KCNMB2: variants seen among roughly 807,000 people sequenced by gnomAD.
KCNMB2 encodes the protein potassium calcium-activated channel subfamily M regulatory beta subunit 2.
In KCNMB2, 9 loss-of-function variants were observed where a neutral mutation model predicts 24.5. The observed-to-expected ratio is 0.37, with a 90% CI of 0.22 to 0.64. The LOEUF (loss-of-function observed/expected upper bound fraction) is 0.64. Ranked by LOEUF, KCNMB2 falls within the 30% of genes least tolerant of loss-of-function variation. The probability of loss-of-function intolerance (pLI) is 0.63; values close to 1 mark genes in which losing one functional copy is unlikely to be tolerated. For synonymous variants in KCNMB2, 109 were observed against 104.4 expected (o/e 1.04, Z -0.27); for missense variants, 226 against 284.3 (o/e 0.79, Z 1.47).
In KCNMB2 at chr3:178,612,044, C is replaced by T. The variant is rs374008105; in HGVS notation, c.-68+75333C>T. Among the ~76,000 whole-genome samples the T allele has an allele frequency of 1.2e-4, 18 of 152,204 alleles. No homozygotes were observed. In the South Asian group the frequency reaches 3.7e-3, roughly 32 times the overall value. ...TCAAGAATATATTGTTTCATTTTCA[C>T]GTATTTGTATAGTTTCCAAAATTTT... On this transcript the variant is annotated intron_variant, in intron 1 of 4. Coordinates refer to ENST00000452583, the MANE Select transcript of KCNMB2 (RefSeq NM_181361.3).
chr3:178,837,924 A>T (rs1422229237), intron 4 of KCNMB2, among the ~76,000 whole-genome samples: 2 of 152,212 alleles, frequency 1.3e-5, no homozygotes, highest in Non-Finnish European at 2.9e-5. Flanking sequence ...TAAGAAAAGG[A>T]AAAACTTCAC....
At chr3:178,555,184 G>C (rs1158559814) in intron 1 of KCNMB2, among the ~76,000 whole-genome samples, 1 of 152,192 alleles carries the variant, frequency 6.6e-6, no homozygotes, top group Non-Finnish European at 1.5e-5. Flanking sequence ...AGAACAATGA[G>C]AGTCAAAAGA....
At chr3:178,813,128 C>G (rs1714261517) in intron 2 of KCNMB2, among the ~76,000 whole-genome samples, 1 of 152,134 alleles carries the variant, frequency 6.6e-6, no homozygotes, top group African/African-American at 2.4e-5. Context: ...TTTGTCTTCC[C>G]TAGTATCTCC....
rs138482675 is a variant in KCNMB2, at chr3:178,563,246, G to A, written c.-68+26535G>A. On this transcript the variant is annotated intron_variant, in intron 1 of 4. Coordinates refer to ENST00000452583, the MANE Select transcript of KCNMB2 (RefSeq NM_181361.3). Reference sequence around the variant, plus strand: ...TAAACCAGAAAAAAACTGGGCAGCCGTTAAGGATTAAATGAGTAAATATTT... The same window carrying A: ...TAAACCAGAAAAAAACTGGGCAGCCATTAAGGATTAAATGAGTAAATATTT... 2.1e-4 allele frequency among the ~76,000 whole-genome samples: 32 copies of A among 152,306 alleles called. No homozygotes were observed. In the East Asian group the frequency reaches 3.5e-3, roughly 17 times the overall value.
intron 1 of KCNMB2, among the ~76,000 whole-genome samples, chr3:178,707,428 T>A (rs932832443): frequency 1.3e-5 from 2 of 152,132 alleles, no homozygotes; most frequent in African/African-American, 4.8e-5. Context: ...TACTCTGAAG[T>A]GCCATGCTCT....
At chr3:178,756,189 G>A (rs1163014210) in intron 1 of KCNMB2, among the ~76,000 whole-genome samples, 1 of 151,856 alleles carries the variant, frequency 6.6e-6, no homozygotes, top group African/African-American at 2.4e-5. Flanking sequence ...ATATTAAAGG[G>A]TATATATAGA....
chr3:178,676,298 C>A (rs964840920), intron 1 of KCNMB2, among the ~76,000 whole-genome samples: 3 of 152,148 alleles, frequency 2.0e-5, no homozygotes, highest in African/African-American at 7.2e-5. Flanking sequence ...ATGATAAAGG[C>A]TTCACTCCAT....
At chr3:178,714,833 G>T (rs963123929) in intron 1 of KCNMB2, among the ~76,000 whole-genome samples, 1 of 152,138 alleles carries the variant, frequency 6.6e-6, no homozygotes, top group African/African-American at 2.4e-5. Flanking sequence ...AGACTTTGAG[G>T]AGAGATTGAA....
At chr3:178,578,861 CAG>C (rs1717093656) in intron 1 of KCNMB2, among the ~76,000 whole-genome samples, 1 of 152,120 alleles carries the variant, frequency 6.6e-6, no homozygotes, top group African/African-American at 2.4e-5. Context: ...CAGGAGCAAA[CAG>C]ATTCATAAAG....
At chr3:178,585,162 T>C (rs1375001644) in intron 1 of KCNMB2, among the ~76,000 whole-genome samples, 1 of 152,198 alleles carries the variant, frequency 6.6e-6, no homozygotes, top group Non-Finnish European at 1.5e-5. Flanking sequence ...CAGATTATTC[T>C]CCTGGCAAAT....
chr3:178,616,179 G>C (rs1022065973), intron 1 of KCNMB2, among the ~76,000 whole-genome samples: 21 of 152,182 alleles, frequency 1.4e-4, no homozygotes, highest in African/African-American at 4.8e-4. Context: ...CCCAGCTGAT[G>C]TCTTAGTAAG....
chr3:178,818,802 C>T (rs552811527), intron 2 of KCNMB2, among the ~76,000 whole-genome samples: 3 of 152,304 alleles, frequency 2.0e-5, no homozygotes, highest in Admixed American at 6.5e-5. Flanking sequence ...CTTCAAAAGA[C>T]ATACAAGATC....
chr3:178,722,555 T>A (rs1403956813), intron 1 of KCNMB2, among the ~76,000 whole-genome samples: 37 of 152,140 alleles, frequency 2.4e-4, no homozygotes, highest in Non-Finnish European at 2.9e-5. Flanking sequence ...ACGACATTAA[T>A]CTATTCATGA....
chr3:178,553,537 C>CT (rs78958133), intron 1 of KCNMB2, among the ~76,000 whole-genome samples: 10,090 of 139,066 alleles, frequency 0.073, 766 homozygotes, highest in African/African-American at 0.2. Flanking sequence ...AGAGAGATTC[C>CT]TTTTTTTTTT....
At chr3:178,617,497 G>T (rs773802388) in intron 1 of KCNMB2, among the ~76,000 whole-genome samples, 1 of 151,892 alleles carries the variant, frequency 6.6e-6, no homozygotes, top group African/African-American at 2.4e-5. Context: ...GGTGGAGGTT[G>T]CAGATTGGGC....
intron 1 of KCNMB2, among the ~76,000 whole-genome samples, chr3:178,655,243 A>C (rs1720292230): frequency 6.6e-6 from 1 of 151,976 alleles, no homozygotes; most frequent in South Asian, 2.1e-4. Flanking sequence ...ATGGTACTTC[A>C]GTATTAATTT....
intron 1 of KCNMB2, among the ~76,000 whole-genome samples, chr3:178,577,095 C>T (rs1343163102): frequency 6.6e-6 from 1 of 152,166 alleles, no homozygotes; most frequent in Non-Finnish European, 1.5e-5. Flanking sequence ...GAGGTGTCAA[C>T]AGGCACCTCA....
At chr3:178,743,275 A>G (rs971814809) in intron 1 of KCNMB2, among the ~76,000 whole-genome samples, 4 of 152,182 alleles carry the variant, frequency 2.6e-5, no homozygotes, top group Non-Finnish European at 4.4e-5. Context: ...GAAATGGTAC[A>G]CATAAATTTA....
chr3:178,693,648 G>A (rs1483421934), intron 1 of KCNMB2, among the ~76,000 whole-genome samples: 1 of 152,124 alleles, frequency 6.6e-6, no homozygotes, highest in African/African-American at 2.4e-5. Context: ...GATTCTGTTT[G>A]CCAGTATTTT....
Sources: gnomAD v4.1 joint callset for allele counts (sites outside exome capture counted in the v4.1 genomes callset) on GRCh38, gnomAD v4.1.1 for gene constraint, MANE v1.5 for transcripts, NCBI Gene and HGNC (gene_info 2026-07-23, HGNC 2026-07-21) for gene names.